Variants in RPTOR observed in about 807,000 individuals in gnomAD.
RPTOR encodes regulatory-associated protein of mTOR.
Under a neutral mutation model 169.9 loss-of-function variants are expected in RPTOR, and 21 were observed. The observed-to-expected ratio is 0.12, with a 90% CI of 0.09 to 0.18. RPTOR has a LOEUF of 0.18. RPTOR is among the 10% of genes least tolerant of loss of function. The probability of loss-of-function intolerance (pLI) is 1.00; values close to 1 mark genes in which losing one functional copy is unlikely to be tolerated. For missense variants in RPTOR, 1,133 were observed against 1,855.9 expected (o/e 0.61, Z 7.16); for synonymous variants, 732 against 753.2 (o/e 0.97, Z 0.46).
intron 20 of RPTOR, 42 bp from the exon 21 acceptor site, chr17:80,908,769 C>T (rs773623463): frequency 2.1e-6 from 3 of 1,439,574 alleles, no homozygotes; most frequent in Non-Finnish European, 2.9e-6. Context: ...GCCTCATTGG[C>T]AGCTACTTTC....
chr17:80,858,113 G>A, intron 13 of RPTOR: 1 of 581,028 alleles, frequency 1.7e-6, no homozygotes, highest in East Asian at 2.9e-5. Flanking sequence ...TCCTGTCCCT[G>A]GCCTTCCCCT....
In RPTOR at chr17:80,861,018, C is replaced by T. The variant is rs776607447; in HGVS notation, c.1509+3118C>T. On this transcript the variant is annotated intron_variant, in intron 13 of 33. Coordinates refer to ENST00000306801, the MANE Select transcript of RPTOR (RefSeq NM_020761.3). The surrounding 1 kb of genome is among the most constrained non-coding windows in gnomAD (Gnocchi z 4.5). ...TCTGCACCTGGCTGTGACCAGAGAA[C>T]GCTCCATAATGGTGACCTGAATACC... is the stretch of plus-strand genomic sequence containing the variant. Among the ~76,000 whole-genome samples the T allele has an allele frequency of 8.3e-5, 12 of 144,456 alleles. 3 individuals are homozygous for T. The highest frequency in any genetic ancestry group is 1.3e-4 in the Non-Finnish European group (8 of 63,980). 94.8% of individuals were successfully genotyped at this position (144,456 alleles called of 152,430 possible). A position where few individuals can be genotyped will look rare whatever the true frequency, so the allele number is the denominator to read the frequency against.
At chr17:80,582,738 G>C (rs2065025229) in intron 1 of RPTOR, among the ~76,000 whole-genome samples, 1 of 150,806 alleles carries the variant, frequency 6.6e-6, no homozygotes, top group Admixed American at 6.6e-5. Context: ...TAGAGACGGG[G>C]TTTCACCATG....
chr17:80,582,381 C>T (rs931659563), intron 1 of RPTOR, among the ~76,000 whole-genome samples: 1 of 152,124 alleles, frequency 6.6e-6, no homozygotes, highest in Non-Finnish European at 1.5e-5. Flanking sequence ...AGTGCAGACC[C>T]AGCAGGTTGG....
chr17:80,642,162 A>T (rs1030160045), intron 2 of RPTOR, among the ~76,000 whole-genome samples: 2 of 152,034 alleles, frequency 1.3e-5, no homozygotes, highest in African/African-American at 4.8e-5. Context: ...TTTGAGATGG[A>T]GTCTCACTCT....
At chr17:80,658,040 C>G (rs1206226728) in intron 3 of RPTOR, among the ~76,000 whole-genome samples, 1 of 152,168 alleles carries the variant, frequency 6.6e-6, no homozygotes, top group Non-Finnish European at 1.5e-5. Context: ...TTAGCACTTG[C>G]ACCACTTGGC....
chr17:80,688,435 G>T (rs1449047211), intron 3 of RPTOR, among the ~76,000 whole-genome samples: 1 of 152,238 alleles, frequency 6.6e-6, no homozygotes, highest in Non-Finnish European at 1.5e-5. Flanking sequence ...TTATCAAGAA[G>T]TCTGAAGGTA....
chr17:80,961,621 A>G, intron 31 of RPTOR, 141 bp downstream of exon 31: 3 of 986,952 alleles, frequency 3.0e-6, no homozygotes, highest in South Asian at 1.6e-5. Flanking sequence ...GGAACTGGCC[A>G]GAAAGATCAG....
intron 6 of RPTOR, among the ~76,000 whole-genome samples, chr17:80,786,181 T>A (rs915843811): frequency 2.0e-5 from 3 of 152,304 alleles, no homozygotes; most frequent in African/African-American, 7.2e-5. Context: ...TCTGTATGAT[T>A]TGGGTTTTTA....
In RPTOR at chr17:80,646,397, G is replaced by A. The variant is rs961637026; in HGVS notation, c.348+2587G>A. Reference sequence around the variant, plus strand: ...ACTGGGTAATAATAGCACTTGCCCCGGTGCGCGTGGCACACTGCTCCTCAC... The same window carrying A: ...ACTGGGTAATAATAGCACTTGCCCCAGTGCGCGTGGCACACTGCTCCTCAC... On this transcript the variant is annotated intron_variant, in intron 3 of 33. Coordinates refer to ENST00000306801, the MANE Select transcript of RPTOR (RefSeq NM_020761.3). The surrounding 1 kb of genome is among the most constrained non-coding windows in gnomAD (Gnocchi z 5.0). 1.3e-5 allele frequency among the ~76,000 whole-genome samples: 2 copies of A among 152,100 alleles called. No individual in the cohort carries two copies. Among genetic ancestry groups the A allele is most frequent in the African/African-American group, 2.4e-5 (1 of 41,396 alleles).
At chr17:80,954,337 G>A (rs2069221083) in intron 28 of RPTOR, among the ~76,000 whole-genome samples, 3 of 152,186 alleles carry the variant, frequency 2.0e-5, no homozygotes, top group Admixed American at 2.0e-4. Context: ...GGCCAGGCTG[G>A]TCTCGAACTC....
chr17:80,614,545 T>C (rs530977625), intron 1 of RPTOR, among the ~76,000 whole-genome samples: 5 of 152,316 alleles, frequency 3.3e-5, no homozygotes, highest in Admixed American at 3.3e-4. Context: ...TGGTGGTAAA[T>C]GTGGCCTTCC....
intron 4 of RPTOR, among the ~76,000 whole-genome samples, chr17:80,714,273 C>G (rs939210546): frequency 1.4e-4 from 21 of 152,144 alleles, no homozygotes; most frequent in African/African-American, 4.3e-4. Context: ...TGAGAAAACT[C>G]TAGGCATAGT....
intron 9 of RPTOR, among the ~76,000 whole-genome samples, chr17:80,836,323 C>T (rs1302092489): frequency 6.6e-6 from 1 of 152,246 alleles, no homozygotes; most frequent in Non-Finnish European, 1.5e-5. Context: ...CTTTCCTGCT[C>T]GCCCTCACTC....
intron 10 of RPTOR, among the ~76,000 whole-genome samples, chr17:80,843,035 C>T (rs959706501): frequency 6.6e-6 from 1 of 152,212 alleles, no homozygotes; most frequent in African/African-American, 2.4e-5. Context: ...TAGACTAAGT[C>T]CCACAACTTC....
intron 3 of RPTOR, among the ~76,000 whole-genome samples, chr17:80,649,562 T>C (rs2065623328): frequency 6.6e-6 from 1 of 152,170 alleles, no homozygotes; most frequent in African/African-American, 2.4e-5. Flanking sequence ...GCTCACAGCT[T>C]GCATAATTCA....
chr17:80,840,372 CACACGGCAGCTCACTCTCACT>C (rs1284444014), intron 10 of RPTOR, among the ~76,000 whole-genome samples: 36 of 145,178 alleles, frequency 2.5e-4, no homozygotes, highest in South Asian at 1.8e-3. Context: ...TCACTCTCAC[CACACGGCAGCTCACTCTCACT>C]GCATGGCAGC....
In RPTOR at chr17:80,947,137, A is replaced by T. The variant is rs1211635153; in HGVS notation, c.3141-90A>T. The T allele has an allele frequency of 7.7e-7, 1 of 1,305,174 alleles. No individual in the cohort carries two copies. The highest frequency in any genetic ancestry group is 1.0e-6 in the Non-Finnish European group (1 of 985,068). 80.8% of individuals were successfully genotyped at this position (1,305,174 alleles called of 1,614,324 possible). A position where few individuals can be genotyped will look rare whatever the true frequency, so the allele number is the denominator to read the frequency against. On this transcript the variant is annotated intron_variant, in intron 26 of 33. Transcript: ENST00000306801. The surrounding 1 kb of genome is among the most constrained non-coding windows in gnomAD (Gnocchi z 4.4). ...CGGCTGTGGTGTGTGGTTTTTTGAT[A>T]GCAGCCCGGTGGGTTTCAGGAGGTA...
At chr17:80,720,734 C>T (rs2066278229) in intron 4 of RPTOR, among the ~76,000 whole-genome samples, 1 of 152,234 alleles carries the variant, frequency 6.6e-6, no homozygotes, top group South Asian at 2.1e-4. Flanking sequence ...CCAGCATCAC[C>T]TGCAGGCTCA....
Sources: allele counts gnomAD v4.1 joint callset (sites outside exome capture counted in the v4.1 genomes callset), GRCh38; gene constraint gnomAD v4.1.1; non-coding constraint Gnocchi (gnomAD v3.1); transcripts MANE v1.5; gene names NCBI Gene and HGNC (gene_info 2026-07-23, HGNC 2026-07-21).